GATAD1: variants seen among roughly 807,000 people sequenced by gnomAD.
The protein encoded by GATAD1 is GATA zinc finger domain-containing protein 1.
A neutral mutation model predicts 26.5 loss-of-function variants in GATAD1; 12 were observed. That is an observed-to-expected ratio of 0.45 (90% CI 0.29 to 0.73). GATAD1 has a LOEUF of 0.73. GATAD1 is among the 30% of genes least tolerant of loss of function. GATAD1 has a pLI of 0.10. For synonymous variants in GATAD1, 129 were observed against 133.1 expected (o/e 0.97, Z 0.21); for missense variants, 266 against 342.1 (o/e 0.78, Z 1.75).
At chr7:92,488,187 G>A in the GATAD1 span, among the ~76,000 whole-genome samples, 1 of 152,292 alleles carries the variant, frequency 6.6e-6, no homozygotes, top group East Asian at 1.9e-4. Flanking sequence ...AAGGGGGACT[G>A]CTATATAGCA....
the GATAD1 span, among the ~76,000 whole-genome samples, chr7:92,486,352 C>A: frequency 6.6e-6 from 1 of 152,208 alleles, no homozygotes; most frequent in Non-Finnish European, 1.5e-5. Flanking sequence ...CACCACCCTT[C>A]ATGAACTTAC....
chr7:92,469,945 T>C, the GATAD1 span: 4 of 777,970 alleles, frequency 5.1e-6, no homozygotes, highest in Non-Finnish European at 9.6e-6. Flanking sequence ...TAGTCCTTTG[T>C]AGGGGCTAGA....
downstream of GATAD1, chr7:92,461,472 G>A (rs1297321759): frequency 6.6e-6 from 1 of 152,086 alleles, no homozygotes; most frequent in Admixed American, 6.5e-5. Context: ...TTCTCTGATC[G>A]AATTCTGGCT....
chr7:92,468,996 G>C, the GATAD1 span: 4 of 755,778 alleles, frequency 5.3e-6, no homozygotes, highest in East Asian at 7.3e-5. Flanking sequence ...GTCCAAAGAG[G>C]AGTAGCAATA....
At chr7:92,483,062 A>G in the GATAD1 span, among the ~76,000 whole-genome samples, 1 of 152,184 alleles carries the variant, frequency 6.6e-6, no homozygotes, top group Admixed American at 6.5e-5. Flanking sequence ...TCAGCTGCTA[A>G]GCCGAGAAGA....
chr7:92,488,798 A>G, the GATAD1 span, among the ~76,000 whole-genome samples: 1 of 151,264 alleles, frequency 6.6e-6, no homozygotes, highest in East Asian at 1.9e-4. Context: ...CAGTGGTGCA[A>G]TCTCGGCTCA....
chr7:92,483,164 G>T, the GATAD1 span, among the ~76,000 whole-genome samples: 3 of 152,186 alleles, frequency 2.0e-5, no homozygotes, highest in Non-Finnish European at 4.4e-5. Context: ...GATTTCCAGT[G>T]GGGTCCTGCA....
the GATAD1 span, among the ~76,000 whole-genome samples, chr7:92,485,244 G>C: frequency 6.6e-6 from 1 of 152,194 alleles, no homozygotes; most frequent in Admixed American, 6.5e-5. Context: ...CACAGGGGAG[G>C]ATGGCTTAGC....
the GATAD1 span, among the ~76,000 whole-genome samples, chr7:92,484,899 CTGTT>C: frequency 6.6e-6 from 1 of 152,010 alleles, no homozygotes; most frequent in Non-Finnish European, 1.5e-5. Flanking sequence ...AGCAACAAGG[CTGTT>C]TATTTCACCT....
At position 92,447,605 on chromosome 7, in the gene GATAD1, C is replaced by G; in HGVS notation, c.-125C>G. The G allele has an allele frequency of 2.4e-6, 3 of 1,258,968 alleles. No homozygotes were observed. Among genetic ancestry groups the G allele is most frequent in the Non-Finnish European group, 3.0e-6 (3 of 985,314 alleles). 78.0% of individuals were successfully genotyped at this position (1,258,968 alleles called of 1,614,324 possible). On this transcript the variant is annotated 5_prime_UTR_variant, in exon 1 of 5. Transcript: ENST00000287957. The stretch of plus-strand genomic sequence containing the variant: ...AGCGGCCTGGTCCTTTCACCGGCAG[C>G]TCCGTGCCGACGCTCTCACCGCTCT...
downstream of GATAD1, among the ~76,000 whole-genome samples, chr7:92,463,239 G>A (rs887993416): frequency 6.6e-6 from 1 of 152,318 alleles, no homozygotes. Context: ...TGTGGGAAGA[G>A]GGGTATTGTG....
chr7:92,465,845 AC>A, the GATAD1 span, among the ~76,000 whole-genome samples: 1 of 151,940 alleles, frequency 6.6e-6, no homozygotes, highest in African/African-American at 2.4e-5. Context: ...TACTAAAAAT[AC>A]AAAAATTAGC....
chr7:92,478,426 G>C, the GATAD1 span, among the ~76,000 whole-genome samples: 2 of 152,140 alleles, frequency 1.3e-5, no homozygotes, highest in African/African-American at 4.8e-5. Context: ...CCACAACGTC[G>C]GGAATAAGTG....
chr7:92,486,513 C>T, the GATAD1 span, among the ~76,000 whole-genome samples: 1 of 152,192 alleles, frequency 6.6e-6, no homozygotes, highest in Admixed American at 6.5e-5. Flanking sequence ...TGACGTGTCT[C>T]AGTTTAATAC....
chr7:92,490,509 C>T, the GATAD1 span, among the ~76,000 whole-genome samples: 1 of 151,754 alleles, frequency 6.6e-6, no homozygotes. Flanking sequence ...GTGGCATGTG[C>T]CTGTAGTCCC....
At chr7:92,468,512 G>A in the GATAD1 span, 1 of 337,666 alleles carries the variant, frequency 3.0e-6, no homozygotes, top group Non-Finnish European at 5.4e-6. Flanking sequence ...CCCTCCTGCT[G>A]TGCTCTCAGG....
At chr7:92,471,079 G>C in the GATAD1 span, 1 of 166,858 alleles carries the variant, frequency 6.0e-6, no homozygotes, top group African/African-American at 2.4e-5. Context: ...AAGCCTCGGG[G>C]AAGTCCGAAT....
the GATAD1 span, chr7:92,494,553 T>C: frequency 6.2e-7 from 1 of 1,613,898 alleles, no homozygotes; most frequent in Middle Eastern, 1.6e-4. Flanking sequence ...GTAACTCCTG[T>C]ATTATCATGA....
intron 3 of GATAD1, 96 bp from the exon 4 acceptor site, chr7:92,454,393 AACACCTTTTACTG>A (rs1789576828): frequency 1.2e-6 from 1 of 801,670 alleles, no homozygotes; most frequent in Non-Finnish European, 2.1e-6. Context: ...GACTATCTCG[AACACCTTTTACTG>A]ACCACTTTGA....
Sources: allele counts gnomAD v4.1 joint callset (sites outside exome capture counted in the v4.1 genomes callset), GRCh38; gene constraint gnomAD v4.1.1; transcripts MANE v1.5; gene names NCBI Gene and HGNC (gene_info 2026-07-23, HGNC 2026-07-21).